Variants in EPHA3 observed in about 807,000 individuals in gnomAD.
The protein encoded by EPHA3 is ephrin type-A receptor 3.
EPHA3 carries 42 observed loss-of-function variants against 107.1 expected under a neutral mutation model. The ratio of observed to expected loss-of-function variants is 0.39; its 90% CI spans 0.31 to 0.51. The LOEUF (loss-of-function observed/expected upper bound fraction) is 0.51. Ranked by LOEUF, EPHA3 falls within the 20% of genes least tolerant of loss-of-function variation. The pLI is 0.78. For missense variants in EPHA3, 1,183 were observed against 1,211.2 expected (o/e 0.98, Z 0.35); for synonymous variants, 461 against 424.8 (o/e 1.09, Z -1.05).
rs184246969 is a variant in EPHA3, at chr3:89,288,571, G to A, written c.815-52345G>A. Among the ~76,000 whole-genome samples the A allele has an allele frequency of 3.4e-4, 52 of 152,184 alleles. 1 individual carries two copies. In the South Asian group the frequency reaches 9.5e-3, roughly 28 times the overall value. Reference sequence around the variant, plus strand: ...CAGGAGCCAATAGAGATACCGACTTGAACCAATACTTCTATGTGAGTGGAA... The same window carrying A: ...CAGGAGCCAATAGAGATACCGACTTAAACCAATACTTCTATGTGAGTGGAA... On this transcript the variant is annotated intron_variant, in intron 3 of 16. Transcript: ENST00000336596.
Position 89,118,172 on chromosome 3 carries a change from A to G in EPHA3, c.89-9037A>G, listed in dbSNP as rs1576161223. Reference sequence around the variant, plus strand: ...AAGATAAACTTAGAGGTTTTATTATAGTGTTCTTGACACTTCTGATCTAAA... The same window carrying G: ...AAGATAAACTTAGAGGTTTTATTATGGTGTTCTTGACACTTCTGATCTAAA... On this transcript the variant is annotated intron_variant, in intron 1 of 16. Transcript: ENST00000336596. Among the ~76,000 whole-genome samples, 4 of 152,152 alleles carry G rather than the reference A, an allele frequency of 2.6e-5. 1 individual carries two copies. In the South Asian group the frequency reaches 8.3e-4, roughly 32 times the overall value.
At chr3:89,418,324 G>T (rs560632017) in intron 10 of EPHA3, among the ~76,000 whole-genome samples, 1 of 151,330 alleles carries the variant, frequency 6.6e-6, no homozygotes, top group Admixed American at 6.6e-5. Context: ...ACTCCCATGT[G>T]GCAATCATCA....
At chr3:89,153,437 T>C (rs1246345986) in intron 2 of EPHA3, among the ~76,000 whole-genome samples, 1 of 152,046 alleles carries the variant, frequency 6.6e-6, no homozygotes, top group Non-Finnish European at 1.5e-5. Context: ...TGTTTTCCTC[T>C]TTTTCTTTGA....
At chr3:89,134,704 C>G (rs1001941112) in intron 2 of EPHA3, among the ~76,000 whole-genome samples, 1 of 152,118 alleles carries the variant, frequency 6.6e-6, no homozygotes, top group African/African-American at 2.4e-5. Flanking sequence ...TCCTCATCTT[C>G]AAGGCCCTTG....
intron 3 of EPHA3, among the ~76,000 whole-genome samples, chr3:89,314,391 T>G (rs947459687): frequency 4.0e-4 from 61 of 151,998 alleles, no homozygotes; most frequent in Middle Eastern, 3.2e-3. Context: ...AAATAAGATT[T>G]TTTTTTCAAA....
intron 5 of EPHA3, among the ~76,000 whole-genome samples, chr3:89,349,944 C>T (rs912244270): frequency 1.3e-5 from 2 of 148,698 alleles, no homozygotes; most frequent in African/African-American, 5.0e-5. Context: ...GAATATTGGC[C>T]CCCACTCTCT....
chr3:89,328,189 C>G (rs1269454266), intron 3 of EPHA3, among the ~76,000 whole-genome samples: 2 of 152,152 alleles, frequency 1.3e-5, no homozygotes, highest in Non-Finnish European at 2.9e-5. Flanking sequence ...TAAGCACACT[C>G]CACTAATTTT....
intron 2 of EPHA3, among the ~76,000 whole-genome samples, chr3:89,180,459 G>A (rs1705417439): frequency 6.6e-6 from 1 of 152,008 alleles, no homozygotes; most frequent in Admixed American, 6.6e-5. Context: ...ACTGGCATGT[G>A]ACAGGAACAC....
At chr3:89,140,585 T>C (rs1281408018) in intron 2 of EPHA3, among the ~76,000 whole-genome samples, 1 of 151,776 alleles carries the variant, frequency 6.6e-6, no homozygotes, top group Non-Finnish European at 1.5e-5. Flanking sequence ...AAAAAACCTT[T>C]GTGGTGAAAT....
intron 1 of EPHA3, among the ~76,000 whole-genome samples, chr3:89,116,377 C>T (rs1707254275): frequency 6.6e-6 from 1 of 151,908 alleles, no homozygotes; most frequent in African/African-American, 2.4e-5. Flanking sequence ...AAAAAGTAGA[C>T]TTTAGTCTCT....
chr3:89,397,909 GCAGGAA>G (rs1708883110), intron 6 of EPHA3, among the ~76,000 whole-genome samples: 1 of 151,972 alleles, frequency 6.6e-6, no homozygotes, highest in African/African-American at 2.4e-5. Flanking sequence ...ATTAGCTATT[GCAGGAA>G]AAAATGGTCA....
intron 15 of EPHA3, among the ~76,000 whole-genome samples, chr3:89,455,568 A>T (rs1710079920): frequency 6.6e-6 from 1 of 152,214 alleles, no homozygotes. Context: ...TTTGATTTAT[A>T]TGACTGCTTT....
intron 3 of EPHA3, among the ~76,000 whole-genome samples, chr3:89,271,253 C>A (rs575408615): frequency 6.6e-6 from 1 of 151,706 alleles, no homozygotes; most frequent in African/African-American, 2.4e-5. Flanking sequence ...CAAGAAACCA[C>A]AAGAAAAGCC....
At chr3:89,107,866 C>G in intron 1 of EPHA3, 30 bp downstream of exon 1, 1 of 1,605,978 alleles carries the variant, frequency 6.2e-7, no homozygotes. Flanking sequence ...GCACGGAGCT[C>G]TGCCCCGCGG....
At chr3:89,125,798 AATTT>A (rs1338430326) in intron 1 of EPHA3, among the ~76,000 whole-genome samples, 7 of 151,680 alleles carry the variant, frequency 4.6e-5, no homozygotes, top group Non-Finnish European at 8.9e-5. Flanking sequence ...TTACCCATTT[AATTT>A]ATTTATCAAC....
intron 5 of EPHA3, among the ~76,000 whole-genome samples, chr3:89,373,804 A>G (rs73846159): frequency 3.0e-4 from 46 of 151,990 alleles, no homozygotes; most frequent in African/African-American, 1.1e-3. Context: ...GGGTTTGTTC[A>G]ACATATTATA....
chr3:89,395,873 C>T lies in EPHA3; in HGVS notation c.1343C>T (p.Thr448Ile), dbSNP rs1457055144. The change falls in exon 6 of 17, where the codon ACC (threonine) becomes ATC (isoleucine). Residue 448 changes from threonine (T) to isoleucine (I), a missense_variant. Physicochemically the swap from Thr to Ile is moderately conservative, Grantham distance 89 (BLOSUM62 -1). Coordinates refer to ENST00000336596, the MANE Select transcript of EPHA3 (RefSeq NM_005233.6). ...SPVLTIKKDR[T>I]SRNSISLSWQ... Reference sequence around the variant, plus strand: ...GTCCTGACGATTAAGAAAGATCGGACCTCCAGAAATAGCATCTCTTTGTCC... The same window carrying T: ...GTCCTGACGATTAAGAAAGATCGGATCTCCAGAAATAGCATCTCTTTGTCC... The T allele has an allele frequency of 1.9e-6, 3 of 1,613,952 alleles. No individual in the cohort carries two copies. Among genetic ancestry groups the T allele is most frequent in the East Asian group, 4.5e-5 (2 of 44,880 alleles).
chr3:89,429,501 G>A (rs140881111), intron 12 of EPHA3, among the ~76,000 whole-genome samples: 453 of 152,178 alleles, frequency 3.0e-3, no homozygotes, highest in Non-Finnish European at 5.1e-3. Context: ...TCTTTTTTAA[G>A]TAATCTCAGT....
intron 3 of EPHA3, among the ~76,000 whole-genome samples, chr3:89,306,324 T>TA (rs1312601942): frequency 6.6e-6 from 1 of 152,172 alleles, no homozygotes; most frequent in East Asian, 1.9e-4. Context: ...CGCCCATTTT[T>TA]ATTTCATCTT....
Sources: gnomAD v4.1 joint callset for allele counts (sites outside exome capture counted in the v4.1 genomes callset) on GRCh38, gnomAD v4.1.1 for gene constraint, MANE v1.5 for transcripts, NCBI Gene and HGNC (gene_info 2026-07-23, HGNC 2026-07-21) for gene names.